Variants in LPIN2 observed in about 807,000 individuals in gnomAD.
LPIN2 encodes phosphatidate phosphatase LPIN2.
A neutral mutation model predicts 111.4 loss-of-function variants in LPIN2; 55 were observed. That is an observed-to-expected ratio of 0.49 (90% CI 0.40 to 0.62). The LOEUF (loss-of-function observed/expected upper bound fraction) is 0.62, where lower values mean the gene tolerates loss of function less well. Among genes scored for constraint, LPIN2 ranks in the 20% least tolerant of loss-of-function variants. The pLI is 0.00. For synonymous variants in LPIN2, 425 were observed against 414.0 expected (o/e 1.03, Z -0.32); for missense variants, 992 against 1,112.1 (o/e 0.89, Z 1.54).
rs1598516584 is a variant in LPIN2 at position 2,920,176 on chromosome 18, C to T, written c.*117G>A. ...GCAAAGGAGGATGGCGGGACCAGCT[C>T]CAGAAGCACCCGTCCCCGCTGGGGA... is the stretch of plus-strand genomic sequence containing the variant. On this transcript the variant is annotated 3_prime_UTR_variant, in exon 20 of 20. Transcript: ENST00000677752. The T allele has an allele frequency of 2.8e-6, 4 of 1,424,538 alleles. No homozygotes were observed. In the African/African-American group the frequency reaches 4.2e-5, roughly 15 times the overall value. The allele number at this position is 1,424,538 out of a possible 1,614,324, so 88.2% of individuals were successfully genotyped here.
chr18:2,970,612 G>T (rs1444468129), intron 1 of LPIN2, among the ~76,000 whole-genome samples: 1 of 152,220 alleles, frequency 6.6e-6, no homozygotes, highest in East Asian at 1.9e-4. Context: ...GCTAGATCCT[G>T]ACTGGATAAA....
Position 2,924,442 on chromosome 18 carries a change from C to A in LPIN2, c.2043G>T (p.Trp681Cys). 6.2e-7 allele frequency: 1 copy of A among 1,614,168 alleles called. No homozygotes were observed. The change falls in exon 15 of 20, where the codon TGG becomes TGT. Residue 681 changes from tryptophan to cysteine, a missense_variant. By Grantham distance (215) the Trp-to-Cys change is radical (BLOSUM62 -2). Coordinates refer to ENST00000677752, the MANE Select transcript of LPIN2 (RefSeq NM_001375808.2). ...TATCAGAAATGATGATCTTGTCATT[C>A]CAGTTCCACAGGTAAATGGTCCCTG... is the stretch of plus-strand genomic sequence containing the variant. Reference protein sequence around the residue: ...RCAGTIYLWNWNDKIIISDID... With the variant: ...RCAGTIYLWNCNDKIIISDID...
intron 2 of LPIN2, among the ~76,000 whole-genome samples, chr18:2,959,247 T>G (rs2077670412): frequency 6.6e-6 from 1 of 152,204 alleles, no homozygotes; most frequent in Non-Finnish European, 1.5e-5. Flanking sequence ...AAACTGATTT[T>G]GTAATACCTA....
intron 7 of LPIN2, among the ~76,000 whole-genome samples, chr18:2,935,364 G>A: frequency 6.6e-6 from 1 of 152,108 alleles, no homozygotes; most frequent in Non-Finnish European, 1.5e-5. Context: ...CTAACTCCCA[G>A]TTAAGAAAAT....
At chr18:2,945,760 TG>T in intron 4 of LPIN2, 6 of 1,195,892 alleles carry the variant, frequency 5.0e-6, no homozygotes, top group Non-Finnish European at 7.5e-6. Context: ...TCTAACAATG[TG>T]CTATTTGCTT....
chr18:2,977,169 C>G (rs2078033408), intron 1 of LPIN2: 1 of 146,652 alleles, frequency 6.8e-6, no homozygotes, highest in Admixed American at 6.9e-5. Context: ...GCACTCCAGA[C>G]TGGGTGGCAG....
At chr18:2,952,919 C>A (rs2077558778) in intron 3 of LPIN2, among the ~76,000 whole-genome samples, 1 of 152,066 alleles carries the variant, frequency 6.6e-6, no homozygotes, top group African/African-American at 2.4e-5. Context: ...ATGTTGATGA[C>A]ATATAATTAA....
chr18:3,000,110 AG>A (rs1172218415), intron 1 of LPIN2, among the ~76,000 whole-genome samples: 1 of 103,732 alleles, frequency 9.6e-6, no homozygotes, highest in African/African-American at 3.4e-5. Context: ...GAGGGGAAGG[AG>A]GGGAAGAAGG....
intron 2 of LPIN2, among the ~76,000 whole-genome samples, chr18:2,955,851 G>A (rs544754942): frequency 6.6e-6 from 1 of 152,164 alleles, no homozygotes; most frequent in East Asian, 1.9e-4. Flanking sequence ...GGAGGCGGAG[G>A]CTGCAGTGAG....
At chr18:2,936,327 T>C (rs1419056768) in intron 7 of LPIN2, among the ~76,000 whole-genome samples, 1 of 152,240 alleles carries the variant, frequency 6.6e-6, no homozygotes, top group African/African-American at 2.4e-5. Context: ...AATATGTATG[T>C]TCTGACCCAC....
chr18:2,935,506 GGAGA>G (rs1178055343), intron 7 of LPIN2, among the ~76,000 whole-genome samples: 1 of 152,076 alleles, frequency 6.6e-6, no homozygotes, highest in Non-Finnish European at 1.5e-5. Context: ...GATGGGTGTA[GGAGA>G]GAGAGTTCTA....
At chr18:2,944,770 A>T (rs1306627858) in intron 4 of LPIN2, among the ~76,000 whole-genome samples, 2 of 152,200 alleles carry the variant, frequency 1.3e-5, no homozygotes, top group Non-Finnish European at 2.9e-5. Context: ...AATCAGTAAC[A>T]ATTAGTCATA....
intron 4 of LPIN2, chr18:2,946,574 G>C: frequency 9.0e-7 from 1 of 1,111,380 alleles, no homozygotes; most frequent in Non-Finnish European, 1.4e-6. Flanking sequence ...CCAAACACCG[G>C]GAACAGCAAG....
At chr18:2,958,166 A>AAAC (rs2077648930) in intron 2 of LPIN2, among the ~76,000 whole-genome samples, 1 of 146,004 alleles carries the variant, frequency 6.8e-6, no homozygotes, top group East Asian at 2.1e-4. Context: ...AACAACAAAA[A>AAAC]AAAAAAACAG....
At chr18:2,959,888 G>A (rs935730155) in intron 2 of LPIN2, among the ~76,000 whole-genome samples, 17 of 152,064 alleles carry the variant, frequency 1.1e-4, no homozygotes, top group African/African-American at 4.1e-4. Flanking sequence ...ATGGCCAGGT[G>A]CGGTGGCTCT....
rs2076998252 is a variant in LPIN2, at chr18:2,918,267, G to C, written c.*2026C>G. The C allele has an allele frequency of 6.6e-6, 1 of 152,172 alleles. No homozygotes were observed. Among genetic ancestry groups the C allele is most frequent in the Non-Finnish European group, 1.5e-5 (1 of 68,024 alleles). 9.4% of individuals were successfully genotyped at this position (152,172 alleles called of 1,614,324 possible). On this transcript the variant is annotated 3_prime_UTR_variant, in exon 20 of 20. Transcript: ENST00000677752. Reference sequence around the variant, plus strand: ...GCCCATGTGTCCAAAGAGAAGAGCTGTCAAGAAAAAGAAACTAGTCAAAAA... The same window carrying C: ...GCCCATGTGTCCAAAGAGAAGAGCTCTCAAGAAAAAGAAACTAGTCAAAAA...
chr18:2,936,683 G>C (rs1029372666), intron 7 of LPIN2, among the ~76,000 whole-genome samples: 4 of 152,142 alleles, frequency 2.6e-5, no homozygotes, highest in African/African-American at 7.2e-5. Context: ...GGGCTCAAGC[G>C]ATCTTCCCAC....
intron 3 of LPIN2, 44 bp downstream of exon 3, chr18:2,954,460 C>T: frequency 7.1e-7 from 1 of 1,401,940 alleles, no homozygotes; most frequent in Non-Finnish European, 1.0e-6. Context: ...GTACCAGAGG[C>T]CTGAGCACAC....
chr18:3,012,494 C>G (rs945177235), intron 1 of LPIN2, among the ~76,000 whole-genome samples: 10 of 86,346 alleles, frequency 1.2e-4, no homozygotes, highest in Non-Finnish European at 2.0e-4. Context: ...GCACCGGGGG[C>G]TGGGGGGCTT....
Sources: gnomAD v4.1 joint callset for allele counts (sites outside exome capture counted in the v4.1 genomes callset) on GRCh38, gnomAD v4.1.1 for gene constraint, MANE v1.5 for transcripts, NCBI Gene and HGNC (gene_info 2026-07-23, HGNC 2026-07-21) for gene names.